Variants in SLC71A2 observed in about 807,000 individuals in gnomAD.
SLC71A2 encodes hippocampus abundant transcript-like 1.
chr9:94,396,130 G>A, the SLC71A2 span, among the ~76,000 whole-genome samples: 2 of 151,282 alleles, frequency 1.3e-5, no homozygotes, highest in African/African-American at 2.5e-5. Flanking sequence ...TGGGATATCC[G>A]CAGCTGCTCA....
the SLC71A2 span, chr9:94,429,280 A>G: frequency 1.1e-5 from 17 of 1,567,290 alleles, no homozygotes; most frequent in Non-Finnish European, 1.5e-5. Context: ...GTGGTTTGTA[A>G]TGAACCAAAG....
chr9:94,454,159 AG>A, the SLC71A2 span: 1 of 867,654 alleles, frequency 1.2e-6, no homozygotes, highest in South Asian at 1.4e-5. Flanking sequence ...GAAGGAAGCA[AG>A]GGTTATTTTG....
the SLC71A2 span, among the ~76,000 whole-genome samples, chr9:94,381,645 G>A: frequency 1.3e-5 from 2 of 152,114 alleles, no homozygotes; most frequent in East Asian, 3.9e-4. Context: ...GAGTGAAATG[G>A]CTGGGTCATA....
the SLC71A2 span, among the ~76,000 whole-genome samples, chr9:94,384,205 G>T: frequency 6.6e-6 from 1 of 151,636 alleles, no homozygotes; most frequent in African/African-American, 2.4e-5. Flanking sequence ...GTTTCTATGT[G>T]TTTGACTTAC....
the SLC71A2 span, chr9:94,445,053 G>A: frequency 6.2e-7 from 1 of 1,614,058 alleles, no homozygotes; most frequent in South Asian, 1.1e-5. Flanking sequence ...TCGTTGTGCT[G>A]GTGGCCACAG....
the SLC71A2 span, among the ~76,000 whole-genome samples, chr9:94,386,856 T>A: frequency 6.6e-6 from 1 of 152,118 alleles, no homozygotes; most frequent in East Asian, 1.9e-4. Context: ...CTGTTAACTA[T>A]TTTTTTTCCA....
At chr9:94,452,957 G>C in the SLC71A2 span, among the ~76,000 whole-genome samples, 1 of 151,746 alleles carries the variant, frequency 6.6e-6, no homozygotes, top group Admixed American at 6.6e-5. Flanking sequence ...GCATTCTTCT[G>C]TGGTAACCTC....
the SLC71A2 span, among the ~76,000 whole-genome samples, chr9:94,455,367 C>CTAA: frequency 5.6e-5 from 7 of 125,556 alleles, no homozygotes; most frequent in African/African-American, 2.1e-4. Context: ...CCATGCCTGG[C>CTAA]TAATATTCTG....
the SLC71A2 span, among the ~76,000 whole-genome samples, chr9:94,396,566 T>C: frequency 6.6e-6 from 1 of 152,108 alleles, no homozygotes; most frequent in Non-Finnish European, 1.5e-5. Flanking sequence ...TTGGCAAACT[T>C]TTTTTGTAAA....
At chr9:94,460,411 A>G in the SLC71A2 span, 2 of 152,584 alleles carry the variant, frequency 1.3e-5, no homozygotes, top group African/African-American at 2.4e-5. Context: ...TTTGTTTTCA[A>G]TTCATCTTTA....
chr9:94,453,809 A>G, the SLC71A2 span: 1 of 614,546 alleles, frequency 1.6e-6, no homozygotes, highest in Non-Finnish European at 2.9e-6. Flanking sequence ...GTAGAAGGTC[A>G]TCAGTACTGT....
the SLC71A2 span, among the ~76,000 whole-genome samples, chr9:94,417,581 C>G: frequency 2.0e-5 from 3 of 152,072 alleles, no homozygotes; most frequent in Non-Finnish European, 2.9e-5. Flanking sequence ...GAGCCAAGAT[C>G]GTGTCATTGC....
At chr9:94,421,116 T>C in the SLC71A2 span, among the ~76,000 whole-genome samples, 315 of 111,908 alleles carry the variant, frequency 2.8e-3, 1 homozygote, top group African/African-American at 0.01. Flanking sequence ...TATAAAATTA[T>C]AGGATTTTGA....
chr9:94,394,486 C>T, the SLC71A2 span, among the ~76,000 whole-genome samples: 1 of 92,168 alleles, frequency 1.1e-5, no homozygotes, highest in Non-Finnish European at 2.9e-5. Context: ...CTCGCTCTGT[C>T]ACCCAGGTTA....
chr9:94,383,638 T>C, the SLC71A2 span, among the ~76,000 whole-genome samples: 1 of 152,246 alleles, frequency 6.6e-6, no homozygotes, highest in East Asian at 1.9e-4. Context: ...AAAGTCGTTT[T>C]AGTGATTCTG....
the SLC71A2 span, among the ~76,000 whole-genome samples, chr9:94,392,474 A>G: frequency 1.3e-5 from 2 of 151,718 alleles, no homozygotes; most frequent in Non-Finnish European, 2.9e-5. Flanking sequence ...AGATTGCAGT[A>G]TAGTGGGAGT....
At chr9:94,428,083 A>G in the SLC71A2 span, among the ~76,000 whole-genome samples, 1 of 151,698 alleles carries the variant, frequency 6.6e-6, no homozygotes, top group African/African-American at 2.4e-5. Flanking sequence ...AGATTGTACC[A>G]CTGCACTCCA....
the SLC71A2 span, among the ~76,000 whole-genome samples, chr9:94,454,417 G>C: frequency 6.6e-6 from 1 of 152,030 alleles, no homozygotes; most frequent in Admixed American, 6.5e-5. Flanking sequence ...GCCCAGGCTG[G>C]AGTACAGTGG....
the SLC71A2 span, among the ~76,000 whole-genome samples, chr9:94,410,676 A>G: frequency 6.6e-6 from 1 of 152,232 alleles, no homozygotes; most frequent in Non-Finnish European, 1.5e-5. Context: ...CAAATTCCTA[A>G]TCATAGGAAA....
Sources: allele counts gnomAD v4.1 joint callset (sites outside exome capture counted in the v4.1 genomes callset), GRCh38; gene constraint gnomAD v4.1.1; transcripts MANE v1.5; gene names NCBI Gene and HGNC (gene_info 2026-07-23, HGNC 2026-07-21).